The following KIAA1755 variants were observed in gnomAD, a reference collection of about 807,000 sequenced individuals.
KIAA1755 encodes KIAA1755, also known as uncharacterized protein KIAA1755.
In KIAA1755, 68 loss-of-function variants were observed where a neutral mutation model predicts 91.7. The observed-to-expected ratio is 0.74, with a 90% CI of 0.61 to 0.91. The LOEUF (loss-of-function observed/expected upper bound fraction) is 0.91. Ranked by LOEUF, KIAA1755 falls within the 40% of genes least tolerant of loss-of-function variation. KIAA1755 has a pLI of 0.00. For missense variants in KIAA1755, 1,535 were observed against 1,494.4 expected, an observed-to-expected ratio of 1.03 and a Z score of -0.45; for synonymous variants, 610 against 604.6, an observed-to-expected ratio of 1.01 and a Z score of -0.13.
Position 38,220,376 on chromosome 20 carries a change from G to A in KIAA1755, c.2418-608C>T, listed in dbSNP as rs544986876. Among the ~76,000 whole-genome samples, 6 of 149,974 alleles carry A rather than the reference G, an allele frequency of 4.0e-5. No individual in the cohort carries two copies. The South Asian group carries it at 8.4e-4, about 21-fold the overall frequency. On this transcript the variant is annotated intron_variant, in intron 10 of 13. Coordinates refer to ENST00000279024, the MANE Select transcript of KIAA1755 (RefSeq NM_001029864.2). ...GTCACCCAGGCTAGAGTGCAGTGGC[G>A]CGATCTCCATTCACTGCAACCTCTG...
At chr20:38,257,077 G>A (rs2076351522) in intron 1 of KIAA1755, among the ~76,000 whole-genome samples, 1 of 152,002 alleles carries the variant, frequency 6.6e-6, no homozygotes, top group Non-Finnish European at 1.5e-5. Flanking sequence ...TCTTCTCTTT[G>A]CTTTTCAGGA....
At chr20:38,247,813 G>A (rs1378484070) in intron 1 of KIAA1755, among the ~76,000 whole-genome samples, 2 of 152,214 alleles carry the variant, frequency 1.3e-5, no homozygotes, top group African/African-American at 4.8e-5. Flanking sequence ...TATGGGCCAG[G>A]GGTGGTGGCT....
At chr20:38,230,232 T>C (rs964414939) in intron 5 of KIAA1755, among the ~76,000 whole-genome samples, 6 of 152,354 alleles carry the variant, frequency 3.9e-5, no homozygotes, top group African/African-American at 1.4e-4. Flanking sequence ...TCATCATTCA[T>C]TCACTCACTC....
In KIAA1755 at chr20:38,240,657, G is replaced by C; in HGVS notation, c.1474C>G (p.Gln492Glu). 6.5e-7 allele frequency: 1 copy of C among 1,538,224 alleles called. No individual in the cohort carries two copies. The highest frequency in any genetic ancestry group is 2.3e-5 in the East Asian group (1 of 44,318). Residue 492 changes from glutamine (Q) to glutamate (E), a missense_variant, in exon 3 of 14, where the codon CAG (glutamine) becomes GAG (glutamate). Gln to Glu is a conservative substitution (Grantham distance 29). Transcript: ENST00000279024. ...AGGACTTTCCAGGGCCCATTGTGCTGGAGTGAGGCTTTCTCCGGGGTCACA... is the reference window on the plus strand; with the variant it reads ...AGGACTTTCCAGGGCCCATTGTGCTCGAGTGAGGCTTTCTCCGGGGTCACA... ...PSVTPEKASL[Q>E]HNGPWKVLCS...
chr20:38,250,741 C>T (rs1393643371), intron 1 of KIAA1755, among the ~76,000 whole-genome samples: 1 of 151,928 alleles, frequency 6.6e-6, no homozygotes, highest in African/African-American at 2.4e-5. Context: ...AGGCATGTCA[C>T]TCATGTAGCC....
chr20:38,216,842 A>G, intron 13 of KIAA1755: 1 of 475,190 alleles, frequency 2.1e-6, no homozygotes, highest in Non-Finnish European at 4.2e-6. Context: ...TCCCCTCCCA[A>G]CAACCCCTCA....
chr20:38,255,857 GAGCCTT>G (rs1021712803), intron 1 of KIAA1755, among the ~76,000 whole-genome samples: 9 of 152,020 alleles, frequency 5.9e-5, no homozygotes, highest in Admixed American at 2.0e-4. Context: ...GCCCCTCACT[GAGCCTT>G]AGTTTTGTAT....
chr20:38,231,289 A>T lies in KIAA1755; in HGVS notation c.1784T>A (p.Val595Glu). Reference sequence around the variant, plus strand: ...CTCCCAGGCCCCCTCTGTAGTTGACACCAGAAGCAGGGGCCGCCCGGCCCT... The same window carrying T: ...CTCCCAGGCCCCCTCTGTAGTTGACTCCAGAAGCAGGGGCCGCCCGGCCCT... ...RDRAGRPLLL[V>E]STTEGAWEAP... Residue 595 changes from valine (V) to glutamate (E), a missense_variant, in exon 5 of 14, where the codon GTG (valine) becomes GAG (glutamate). By Grantham distance (121) the Val-to-Glu change is moderately radical (BLOSUM62 -2). Transcript: ENST00000279024. The T allele has an allele frequency of 6.2e-7, 1 of 1,612,226 alleles. No individual in the cohort carries two copies. The highest frequency in any genetic ancestry group is 8.5e-7 in the Non-Finnish European group (1 of 1,179,596).
At chr20:38,234,580 T>C (rs1267021911) in intron 4 of KIAA1755, among the ~76,000 whole-genome samples, 1 of 152,244 alleles carries the variant, frequency 6.6e-6, no homozygotes, top group Non-Finnish European at 1.5e-5. Flanking sequence ...AGAATGCAGA[T>C]GCCAGTTCAG....
At position 38,212,848 on chromosome 20, in the gene KIAA1755, A is replaced by T; in HGVS notation, c.*194T>A. 1.9e-6 allele frequency: 1 copy of T among 528,496 alleles called. No homozygotes were observed. The highest frequency in any genetic ancestry group is 3.3e-6 in the Non-Finnish European group (1 of 298,922). 32.7% of individuals were successfully genotyped at this position (528,496 alleles called of 1,614,324 possible). ...CCACTCTTGCTATTCTGCATGGGTG[A>T]AGATCGGGTCTTCCAGGAGTTTTCT... On this transcript the variant is annotated 3_prime_UTR_variant, in exon 14 of 14. Coordinates refer to ENST00000279024, the MANE Select transcript of KIAA1755 (RefSeq NM_001029864.2).
intron 1 of KIAA1755, among the ~76,000 whole-genome samples, chr20:38,246,666 C>T (rs898925696): frequency 2.6e-5 from 4 of 152,178 alleles, no homozygotes; most frequent in Non-Finnish European, 4.4e-5. Flanking sequence ...TCATTTTTCA[C>T]ACAGCAATAA....
chr20:38,259,820 C>CCACACACACACACACACACACACA (rs57325877), intron 1 of KIAA1755, among the ~76,000 whole-genome samples: 4 of 138,800 alleles, frequency 2.9e-5, no homozygotes, highest in African/African-American at 1.1e-4. Flanking sequence ...ACCACCACCA[C>CCACACACACACACACACACACACA]CACACACACA....
At chr20:38,242,913 AT>A (rs34068365) in intron 2 of KIAA1755, among the ~76,000 whole-genome samples, 57 of 152,096 alleles carry the variant, frequency 3.7e-4, no homozygotes, top group Admixed American at 3.2e-3. Context: ...TTAAAAAGAA[AT>A]TTTTTTTTAA....
At chr20:38,247,724 C>G (rs1231868381) in intron 1 of KIAA1755, among the ~76,000 whole-genome samples, 4 of 152,166 alleles carry the variant, frequency 2.6e-5, no homozygotes, top group Non-Finnish European at 5.9e-5. Context: ...GGAGACCATC[C>G]TGGATTAGAC....
At chr20:38,245,908 C>T in intron 2 of KIAA1755, 21 bp downstream of exon 2, 8 of 1,611,950 alleles carry the variant, frequency 5.0e-6, no homozygotes, top group Non-Finnish European at 6.8e-6. Context: ...GTTCCCTGTC[C>T]CTGTTTCCCT....
At chr20:38,231,847 G>T (rs368279639) in intron 4 of KIAA1755, among the ~76,000 whole-genome samples, 1 of 152,180 alleles carries the variant, frequency 6.6e-6, no homozygotes, top group Non-Finnish European at 1.5e-5. Context: ...CTCTGTTCTC[G>T]TCTCCAGTCC....
rs954630982 is a variant in KIAA1755 at position 38,240,619 on chromosome 20, G to A, written c.1512C>T (p.Tyr504=). The change falls in exon 3 of 14, where the codon TAC becomes TAT. Residue 504 remains tyrosine (Y), a synonymous_variant. Transcript: ENST00000279024. ...ATTTGGCTCGGTTGGGTTTAGGAGA[G>A]TAGAGGGAACACAGGACTTTCCAGG... ...NGPWKVLCSL[Y]SPKPNRAKSL... is the part of the protein sequence containing the mutation. 2.0e-6 allele frequency: 3 copies of A among 1,510,902 alleles called. No homozygotes were observed. The highest frequency in any genetic ancestry group is 2.7e-6 in the Non-Finnish European group (3 of 1,130,634). The allele number at this position is 1,510,902 out of a possible 1,614,324, so 93.6% of individuals were successfully genotyped here.
Position 38,241,188 on chromosome 20 carries a change from G to A in KIAA1755, c.943C>T (p.Pro315Ser), listed in dbSNP as rs148682562. Residue 315 changes from proline (P) to serine (S), a missense_variant, in exon 3 of 14, where the codon CCC (proline) becomes TCC (serine). Physicochemically the swap from Pro to Ser is moderately conservative, Grantham distance 74. Transcript: ENST00000279024. The part of the protein sequence containing the change: ...LEEIAGTKET[P>S]LFQKILPLSE... The stretch of plus-strand genomic sequence containing the variant: ...AGAGGCAGTATCTTTTGAAATAAGG[G>A]AGTTTCCTTAGTTCCAGCTATCTCC... 4.5e-5 allele frequency: 72 copies of A among 1,614,050 alleles called. 1 individual carries two copies. In the East Asian group the frequency reaches 7.1e-4, roughly 16 times the overall value.
At chr20:38,252,057 TCAGGGAAA>T (rs1337987771) in intron 1 of KIAA1755, among the ~76,000 whole-genome samples, 2 of 152,062 alleles carry the variant, frequency 1.3e-5, no homozygotes, top group Admixed American at 1.3e-4. Context: ...CATCCTAACC[TCAGGGAAA>T]CAGTGAGTTA....
Sources: allele counts gnomAD v4.1 joint callset (sites outside exome capture counted in the v4.1 genomes callset), GRCh38; gene constraint gnomAD v4.1.1; transcripts MANE v1.5; gene names NCBI Gene and HGNC (gene_info 2026-07-23, HGNC 2026-07-21).